The following THOC1 variants were observed in gnomAD, a reference collection of about 807,000 sequenced individuals.
THOC1 encodes the protein THO complex 1.
THOC1 carries 29 observed loss-of-function variants against 97.3 expected under a neutral mutation model. The observed-to-expected ratio is 0.30, with a 90% CI of 0.22 to 0.41. The LOEUF is 0.41. THOC1 is among the 10% of genes least tolerant of loss of function. The probability of loss-of-function intolerance (pLI) is 1.00; values close to 1 mark genes in which losing one functional copy is unlikely to be tolerated. For synonymous variants in THOC1, 255 were observed against 257.0 expected (o/e 0.99, Z 0.07); for missense variants, 529 against 761.9 (o/e 0.69, Z 3.60).
intron 17 of THOC1, among the ~76,000 whole-genome samples, chr18:219,699 C>G (rs979139822): frequency 3.9e-5 from 6 of 152,044 alleles, no homozygotes; most frequent in Non-Finnish European, 5.9e-5. Context: ...TAATTACACA[C>G]TATAATATAT....
intron 11 of THOC1, chr18:244,696 TG>T (rs1247591454): frequency 6.6e-6 from 1 of 152,190 alleles, no homozygotes; most frequent in Admixed American, 6.5e-5. Flanking sequence ...TTATCCTGCT[TG>T]GCAGTTGTGA....
Position 265,029 on chromosome 18 carries a change from C to T in THOC1, c.189+274G>A, listed in dbSNP as rs549716730. 4 of 360,956 alleles carry T rather than the reference C, an allele frequency of 1.1e-5. No homozygotes were observed. In the South Asian group the frequency reaches 1.7e-4, roughly 15 times the overall value. The allele number at this position is 360,956 out of a possible 1,614,324, so 22.4% of individuals were successfully genotyped here. ...TTATACAGGAAAGTGAGAGAGCCCACCTTCACCTCTAGTTCTTCCTAAGAC... is the reference window on the plus strand; with the variant it reads ...TTATACAGGAAAGTGAGAGAGCCCATCTTCACCTCTAGTTCTTCCTAAGAC... On this transcript the variant is annotated intron_variant, in intron 3 of 20. Coordinates refer to ENST00000261600, the MANE Select transcript of THOC1 (RefSeq NM_005131.3).
chr18:236,584 C>T (rs1157161543), intron 11 of THOC1, among the ~76,000 whole-genome samples: 8 of 151,578 alleles, frequency 5.3e-5, no homozygotes, highest in Non-Finnish European at 7.4e-5. Flanking sequence ...AGGATGGTCT[C>T]GATCTCCTGA....
chr18:252,015 G>A (rs1390568868), intron 9 of THOC1, among the ~76,000 whole-genome samples: 1 of 152,142 alleles, frequency 6.6e-6, no homozygotes, highest in Non-Finnish European at 1.5e-5. Context: ...TTGTTTGTTA[G>A]CCTATGGGAA....
At chr18:226,521 T>C (rs1911293829) in intron 12 of THOC1, 1 of 301,316 alleles carries the variant, frequency 3.3e-6, no homozygotes. Context: ...GAGAAGGGAA[T>C]GACGGAATTT....
At chr18:252,961 T>G (rs1371735088) in intron 8 of THOC1, among the ~76,000 whole-genome samples, 1 of 152,220 alleles carries the variant, frequency 6.6e-6, no homozygotes, top group Non-Finnish European at 1.5e-5. Context: ...ACAGCATGAA[T>G]AGCTAATTCA....
In THOC1 at chr18:224,956, T is replaced by C; in HGVS notation, c.1176A>G (p.Lys392=). The change falls in exon 15 of 21, where the codon AAA becomes AAG. Residue 392 remains lysine (K), a synonymous_variant. Coordinates refer to ENST00000261600, the MANE Select transcript of THOC1 (RefSeq NM_005131.3). ...TCACAAAACTTGGGCAACCTTCATTTTTCCACGAGTTCCAGTTTTCTTCAG... is the reference window on the plus strand; with the variant it reads ...TCACAAAACTTGGGCAACCTTCATTCTTCCACGAGTTCCAGTTTTCTTCAG... ...LNTEENWNSW[K]NEGCPSFVKE... 1 of 1,575,166 alleles carries C rather than the reference T, an allele frequency of 6.3e-7. No homozygotes were observed. The highest frequency in any genetic ancestry group is 8.6e-7 in the Non-Finnish European group (1 of 1,158,090).
Position 219,145 on chromosome 18 carries a change from T to C in THOC1, c.1371-176A>G, listed in dbSNP as rs1178646265. 1.2e-5 allele frequency: 2 copies of C among 171,772 alleles called. 1 individual carries two copies. Among genetic ancestry groups the C allele is most frequent in the African/African-American group, 1.4e-4 (2 of 14,008 alleles). 10.6% of individuals were successfully genotyped at this position (171,772 alleles called of 1,614,324 possible). ...CTCATAAAGTGGTGGCAGGACAAGA[T>C]TGTGGGCATGTGTTCCCTGAGCGGT... On this transcript the variant is annotated intron_variant, in intron 17 of 20. Coordinates refer to ENST00000261600, the MANE Select transcript of THOC1 (RefSeq NM_005131.3).
At chr18:246,037 A>T (rs1024974808) in intron 11 of THOC1, 2 of 199,176 alleles carry the variant, frequency 1.0e-5, no homozygotes, top group Admixed American at 6.0e-5. Context: ...ATTAAATCCT[A>T]ACTTGACATT....
chr18:233,147 A>G (rs565901695), intron 11 of THOC1, among the ~76,000 whole-genome samples: 150 of 152,278 alleles, frequency 9.9e-4, no homozygotes, highest in Non-Finnish European at 1.5e-3. Context: ...TACATATTTC[A>G]TGTTTTCTTC....
Position 214,936 on chromosome 18 carries a change from G to A in THOC1, c.1679-15C>T, listed in dbSNP as rs2143125731. The stretch of plus-strand genomic sequence containing the variant: ...AACATCAGGACCTAGAAAATGAAGA[G>A]AATATAAATTATGCGCAATTCTAAG... On this transcript the variant is annotated splice_polypyrimidine_tract_variant and intron_variant, in intron 20 of 20. Coordinates refer to ENST00000261600, the MANE Select transcript of THOC1 (RefSeq NM_005131.3). 22 of 1,611,178 alleles carry A rather than the reference G, an allele frequency of 1.4e-5. No individual in the cohort carries two copies. The highest frequency in any genetic ancestry group is 1.8e-5 in the Non-Finnish European group (21 of 1,178,418).
In THOC1 at chr18:265,451, C is replaced by G; in HGVS notation, c.128+6G>C. 6.3e-7 allele frequency: 1 copy of G among 1,594,460 alleles called. No homozygotes were observed. The highest frequency in any genetic ancestry group is 8.5e-7 in the Non-Finnish European group (1 of 1,170,574). On this transcript the variant is annotated splice_donor_region_variant and intron_variant, in intron 2 of 20. Transcript: ENST00000261600. ...CAAGTATTTTTCATAGATATCAATG[C>G]CTTACCTGCCAGGTACCTGGCTGAA...
At chr18:231,546 T>G (rs886950353) in intron 11 of THOC1, among the ~76,000 whole-genome samples, 2 of 152,214 alleles carry the variant, frequency 1.3e-5, no homozygotes, top group Admixed American at 1.3e-4. Context: ...TTTTAAATTA[T>G]GAAATATTTT....
At position 242,872 on chromosome 18, in the gene THOC1, C is replaced by G. The variant is rs1371362788; in HGVS notation, c.918+3452G>C. Among the ~76,000 whole-genome samples the G allele has an allele frequency of 2.6e-5, 4 of 152,128 alleles. No homozygotes were observed. Among genetic ancestry groups the G allele is most frequent in the Non-Finnish European group, 4.4e-5 (3 of 68,026 alleles). ...TAGTATCAAAACACCATGTAAGGTA[C>G]AGAGATGCTGGAAGGCTTCTTTCAG... is the stretch of plus-strand genomic sequence containing the variant. On this transcript the variant is annotated intron_variant, in intron 11 of 20. Transcript: ENST00000261600. The surrounding 1 kb of genome is among the most constrained non-coding windows in gnomAD (Gnocchi z 4.5).
At chr18:253,257 A>G (rs1222822561) in intron 8 of THOC1, among the ~76,000 whole-genome samples, 1 of 152,158 alleles carries the variant, frequency 6.6e-6, no homozygotes, top group Non-Finnish European at 1.5e-5. Flanking sequence ...TTAACCCAGT[A>G]ATTTTACTTA....
chr18:251,820 G>T (rs1399068770), intron 9 of THOC1, among the ~76,000 whole-genome samples: 1 of 152,184 alleles, frequency 6.6e-6, no homozygotes. Flanking sequence ...GACAGGCTCT[G>T]GCCACCCACA....
intron 11 of THOC1, among the ~76,000 whole-genome samples, chr18:243,355 A>G (rs1911974099): frequency 6.6e-6 from 1 of 152,170 alleles, no homozygotes; most frequent in South Asian, 2.1e-4. Context: ...CCATATTCCA[A>G]TGTGGAGATT....
At chr18:263,864 T>A in intron 4 of THOC1, 162 bp downstream of exon 4, 2 of 582,116 alleles carry the variant, frequency 3.4e-6, no homozygotes, top group Non-Finnish European at 3.1e-6. Context: ...GAAATAAGAG[T>A]GAACTAATTC....
At chr18:232,187 C>CT (rs1264959246) in intron 11 of THOC1, among the ~76,000 whole-genome samples, 5 of 152,174 alleles carry the variant, frequency 3.3e-5, no homozygotes, top group Non-Finnish European at 7.3e-5. Context: ...CCTTGACCTC[C>CT]TGAGCTCAAG....
Sources: allele counts gnomAD v4.1 joint callset (sites outside exome capture counted in the v4.1 genomes callset), GRCh38; gene constraint gnomAD v4.1.1; non-coding constraint Gnocchi (gnomAD v3.1); transcripts MANE v1.5; gene names NCBI Gene and HGNC (gene_info 2026-07-23, HGNC 2026-07-21).